The following DIP2C variants were observed in gnomAD, a reference collection of about 807,000 sequenced individuals.
DIP2C encodes disco-interacting protein 2 homolog C.
A neutral mutation model predicts 192.4 loss-of-function variants in DIP2C; 33 were observed. The observed-to-expected ratio is 0.17, with a 90% confidence interval of 0.13 to 0.23. DIP2C has a LOEUF of 0.23. DIP2C is among the 10% of genes least tolerant of loss of function. DIP2C has a pLI of 1.00. For missense variants in DIP2C, 1,537 were observed against 2,110.1 expected, an observed-to-expected ratio of 0.73 and a Z score of 5.32; for synonymous variants, 979 against 864.1, an observed-to-expected ratio of 1.13 and a Z score of -2.33.
intron 5 of DIP2C, among the ~76,000 whole-genome samples, chr10:419,775 C>A (rs1658438568): frequency 6.6e-6 from 1 of 152,022 alleles, no homozygotes; most frequent in South Asian, 2.1e-4. Context: ...TTTATTATTT[C>A]TCTTAGTACA....
chr10:496,448 C>G (rs745756524), intron 1 of DIP2C, among the ~76,000 whole-genome samples: 1 of 149,598 alleles, frequency 6.7e-6, no homozygotes, highest in Non-Finnish European at 1.5e-5. Flanking sequence ...GTACATTACT[C>G]GCAATACCCC....
chr10:482,970 CATGT>C (rs2133531849), intron 2 of DIP2C, among the ~76,000 whole-genome samples: 2 of 152,332 alleles, frequency 1.3e-5, no homozygotes, highest in East Asian at 3.9e-4. Flanking sequence ...TCTTTCACTG[CATGT>C]ATAACTCACA....
At chr10:685,044 G>T (rs970601556) in intron 1 of DIP2C, among the ~76,000 whole-genome samples, 1 of 142,436 alleles carries the variant, frequency 7.0e-6, no homozygotes, top group Admixed American at 7.5e-5. Flanking sequence ...TGAGGCAGGA[G>T]AATCACTTGA....
At position 363,743 on chromosome 10, in the gene DIP2C, CT is replaced by C. The variant is rs1959831304; in HGVS notation, c.2478-433del. On this transcript the variant is annotated intron_variant, in intron 20 of 36. Coordinates refer to ENST00000280886, the MANE Select transcript of DIP2C (RefSeq NM_014974.3). This position sits in a 1 kb window ranked among gnomAD's most constrained non-coding sequence, Gnocchi z 5.4. ...TTCTGCTAAGTGTATGTGCCTTATA[CT>C]GTCAGCACAGCACAGTCACCTCCAG... Among the ~76,000 whole-genome samples the C allele has an allele frequency of 6.6e-6, 1 of 152,206 alleles. No individual in the cohort carries two copies. Among genetic ancestry groups the C allele is most frequent in the Admixed American group, 6.5e-5 (1 of 15,278 alleles).
At chr10:570,601 A>G (rs1046344641) in intron 1 of DIP2C, among the ~76,000 whole-genome samples, 1 of 151,108 alleles carries the variant, frequency 6.6e-6, no homozygotes, top group African/African-American at 2.4e-5. Flanking sequence ...CTTCTCTCAA[A>G]CCTCCCCTAC....
At chr10:369,105 G>C (rs1960653623) in intron 18 of DIP2C, among the ~76,000 whole-genome samples, 1 of 152,250 alleles carries the variant, frequency 6.6e-6, no homozygotes, top group Non-Finnish European at 1.5e-5. Flanking sequence ...TTTCACATGT[G>C]TCTGCCTTGG....
chr10:524,232 T>C (rs1672503), intron 1 of DIP2C, among the ~76,000 whole-genome samples: 95,346 of 152,072 alleles, frequency 0.63, 30,956 homozygotes, highest in African/African-American at 0.79. Flanking sequence ...CACCTGCTTC[T>C]TGAAGTGGCT....
chr10:499,065 T>C (rs1188263643), intron 1 of DIP2C, among the ~76,000 whole-genome samples: 1 of 152,202 alleles, frequency 6.6e-6, no homozygotes, highest in African/African-American at 2.4e-5. Flanking sequence ...ACTTCAGTCC[T>C]ATTATTTTGT....
chr10:308,183 G>C (rs923267423), intron 32 of DIP2C, among the ~76,000 whole-genome samples: 1 of 152,226 alleles, frequency 6.6e-6, no homozygotes, highest in Non-Finnish European at 1.5e-5. Flanking sequence ...TAAAATGCCA[G>C]GTCTGAGTCT....
chr10:510,609 G>A (rs151325508), intron 1 of DIP2C, among the ~76,000 whole-genome samples: 4 of 152,320 alleles, frequency 2.6e-5, no homozygotes, highest in East Asian at 1.9e-4. Context: ...TTTTAACAGC[G>A]AAGACAGCAG....
chr10:285,919 C>T (rs3131997), intron 34 of DIP2C, among the ~76,000 whole-genome samples: 149,511 of 152,344 alleles, frequency 0.98, 73,424 homozygotes, highest in East Asian at 1. Flanking sequence ...GTCTCTGCCA[C>T]TTTCCTGGTG....
chr10:378,426 T>C (rs1484551137), intron 17 of DIP2C, among the ~76,000 whole-genome samples: 1 of 152,050 alleles, frequency 6.6e-6, no homozygotes, highest in Non-Finnish European at 1.5e-5. Context: ...CATGCATGCA[T>C]GAACAGGCAT....
chr10:436,876 G>T (rs1326368356), intron 4 of DIP2C, among the ~76,000 whole-genome samples: 1 of 140,048 alleles, frequency 7.1e-6, no homozygotes, highest in Non-Finnish European at 1.5e-5. Context: ...ACATGGTAGG[G>T]TGATATGCTC....
intron 3 of DIP2C, among the ~76,000 whole-genome samples, chr10:451,974 G>A (rs534676936): frequency 1.3e-5 from 2 of 152,210 alleles, no homozygotes; most frequent in Admixed American, 1.3e-4. Context: ...CCCACAAGGA[G>A]ACCAGCACAC....
intron 1 of DIP2C, among the ~76,000 whole-genome samples, chr10:558,856 C>A (rs1306465150): frequency 6.6e-6 from 1 of 152,142 alleles, no homozygotes; most frequent in Non-Finnish European, 1.5e-5. Context: ...CACTGAAGAG[C>A]TGGGGCTAAT....
At chr10:396,192 T>C (rs1963972919) in intron 10 of DIP2C, among the ~76,000 whole-genome samples, 1 of 152,226 alleles carries the variant, frequency 6.6e-6, no homozygotes, top group South Asian at 2.1e-4. Context: ...AGGTACTTAA[T>C]TCATTATTTC....
chr10:297,229 C>G (rs550351697), intron 32 of DIP2C, among the ~76,000 whole-genome samples: 8 of 112,678 alleles, frequency 7.1e-5, no homozygotes, highest in Non-Finnish European at 1.4e-4. Flanking sequence ...AACCCCCCCC[C>G]ACCCCACCAC....
chr10:323,767 G>C (rs999689346), intron 31 of DIP2C, among the ~76,000 whole-genome samples: 1 of 152,098 alleles, frequency 6.6e-6, no homozygotes. Flanking sequence ...AGAAAATTCA[G>C]AAACATTTCA....
intron 9 of DIP2C, 49 bp downstream of exon 9, chr10:408,877 C>G: frequency 6.3e-7 from 1 of 1,591,332 alleles, no homozygotes; most frequent in Non-Finnish European, 8.6e-7. Context: ...GCACCTTTTC[C>G]CACAGGACTC....
Sources: allele counts gnomAD v4.1 joint callset (sites outside exome capture counted in the v4.1 genomes callset), GRCh38; gene constraint gnomAD v4.1.1; non-coding constraint Gnocchi (gnomAD v3.1); transcripts MANE v1.5; gene names NCBI Gene and HGNC (gene_info 2026-07-23, HGNC 2026-07-21).